Variants in ARHGAP35 observed in about 807,000 individuals in gnomAD.
ARHGAP35 encodes the protein rho GTPase-activating protein 35.
In ARHGAP35, 15 loss-of-function variants were observed where a neutral mutation model predicts 111.1. The ratio of observed to expected loss-of-function variants is 0.13; its 90% CI spans 0.09 to 0.21. The LOEUF (loss-of-function observed/expected upper bound fraction) is 0.21, where lower values mean the gene tolerates loss of function less well. Ranked by LOEUF, ARHGAP35 falls within the 10% of genes least tolerant of loss-of-function variation. The probability of loss-of-function intolerance (pLI) is 1.00; values close to 1 mark genes in which losing one functional copy is unlikely to be tolerated. For missense variants in ARHGAP35, 1,262 were observed against 1,873.0 expected (o/e 0.67, Z 6.02); for synonymous variants, 643 against 710.3 (o/e 0.91, Z 1.51).
Position 46,916,058 on chromosome 19 carries a change from C to A in ARHGAP35, c.-188-2430C>A, listed in dbSNP as rs146861707. Among the ~76,000 whole-genome samples the A allele has an allele frequency of 3.2e-3, 481 of 151,788 alleles. 12 individuals are homozygous for A. The highest frequency in any genetic ancestry group is 1.9e-3 in the East Asian group (10 of 5,152). On this transcript the variant is annotated intron_variant, in intron 1 of 6. Coordinates refer to ENST00000672722, the MANE Select transcript of ARHGAP35 (RefSeq NM_004491.5). ...CACTCCATTCTCCTGTCTCAGCCTC[C>A]TGAGTAGCTGGGACTACAGGTGCCC...
At chr19:46,925,950 T>C (rs781290582) in intron 2 of ARHGAP35, among the ~76,000 whole-genome samples, 12 of 152,298 alleles carry the variant, frequency 7.9e-5, no homozygotes, top group Non-Finnish European at 1.2e-4. Flanking sequence ...GGTGGAAATA[T>C]GCATATTGTA....
intron 3 of ARHGAP35, among the ~76,000 whole-genome samples, chr19:46,972,515 G>A (rs989757438): frequency 2.6e-5 from 4 of 152,142 alleles, no homozygotes; most frequent in East Asian, 1.9e-4. Context: ...GGCGTGCGGC[G>A]CACAGCCTTT....
At chr19:46,960,231 T>C (rs1043977420) in intron 3 of ARHGAP35, among the ~76,000 whole-genome samples, 2 of 152,232 alleles carry the variant, frequency 1.3e-5, no homozygotes, top group Non-Finnish European at 2.9e-5. Context: ...CCTGTAATTT[T>C]ATTAGCATTT....
At chr19:46,966,438 G>A (rs1010282245) in intron 3 of ARHGAP35, among the ~76,000 whole-genome samples, 3 of 152,144 alleles carry the variant, frequency 2.0e-5, no homozygotes. Flanking sequence ...AGTCCTGGCT[G>A]ATTGGGAGAC....
chr19:46,898,775 A>AGCTGCT (rs112008743), intron 1 of ARHGAP35, among the ~76,000 whole-genome samples: 1,662 of 150,904 alleles, frequency 0.011, 7 homozygotes, highest in Middle Eastern at 0.028. Flanking sequence ...TGCACAGATG[A>AGCTGCT]GCTGCTGCTG....
chr19:46,871,539 C>T (rs981921445), intron 1 of ARHGAP35, among the ~76,000 whole-genome samples: 6 of 151,668 alleles, frequency 4.0e-5, no homozygotes, highest in Non-Finnish European at 2.9e-5. Context: ...GATGGGGTTT[C>T]GCCATGTTGG....
intron 3 of ARHGAP35, among the ~76,000 whole-genome samples, chr19:46,978,816 AGG>A (rs2056600047): frequency 5.9e-5 from 1 of 17,032 alleles, no homozygotes; most frequent in Admixed American, 7.8e-4. Context: ...TGTGTGTGGT[AGG>A]GGGTTTGTGT....
chr19:46,907,186 C>T (rs890006716), intron 1 of ARHGAP35, among the ~76,000 whole-genome samples: 8 of 152,146 alleles, frequency 5.3e-5, no homozygotes, highest in Admixed American at 2.0e-4. Context: ...CTCGTTCTGT[C>T]GCCAGGCTGG....
chr19:46,949,570 T>A (rs1220875338), intron 3 of ARHGAP35, among the ~76,000 whole-genome samples: 2 of 152,192 alleles, frequency 1.3e-5, no homozygotes, highest in Admixed American at 1.3e-4. Flanking sequence ...ATGTGACTTC[T>A]CCATTTGTAC....
At chr19:46,959,290 CTGTGCTCAAGTGA>C (rs1568479872) in intron 3 of ARHGAP35, among the ~76,000 whole-genome samples, 1 of 152,078 alleles carries the variant, frequency 6.6e-6, no homozygotes, top group Admixed American at 6.5e-5. Context: ...TCTCAAACTC[CTGTGCTCAAGTGA>C]TTCGGCCTCC....
At chr19:46,890,826 A>C (rs193167381) in intron 1 of ARHGAP35, among the ~76,000 whole-genome samples, 41 of 152,342 alleles carry the variant, frequency 2.7e-4, no homozygotes, top group African/African-American at 9.9e-4. Context: ...TTCTGTCGAC[A>C]ACAGTATACG....
intron 3 of ARHGAP35, among the ~76,000 whole-genome samples, chr19:46,971,505 G>A (rs188281654): frequency 6.6e-6 from 1 of 151,390 alleles, no homozygotes; most frequent in Admixed American, 6.6e-5. Flanking sequence ...TCTTTTTTGG[G>A]GTTTTTTTTT....
At chr19:46,916,727 AT>A (rs35636080) in intron 1 of ARHGAP35, among the ~76,000 whole-genome samples, 78,545 of 149,956 alleles carry the variant, frequency 0.52, 20,980 homozygotes, top group Middle Eastern at 0.7. Context: ...AGATTCATCT[AT>A]TTTTTTTTTT....
chr19:46,915,443 C>T (rs1362730111), intron 1 of ARHGAP35, among the ~76,000 whole-genome samples: 1 of 152,068 alleles, frequency 6.6e-6, no homozygotes, highest in Non-Finnish European at 1.5e-5. Context: ...TCTGGGATAT[C>T]AGAAGGAAGC....
Position 47,000,288 on chromosome 19 carries a change from G to A in ARHGAP35, c.4143-43G>A. The A allele has an allele frequency of 6.3e-7, 1 of 1,585,346 alleles. No homozygotes were observed. Reference sequence around the variant, plus strand: ...ACCATGAGCGCCCAGGGCCAGGTGGGGCCCTGCACAGTTCTGACCATTGAG... The same window carrying A: ...ACCATGAGCGCCCAGGGCCAGGTGGAGCCCTGCACAGTTCTGACCATTGAG... On this transcript the variant is annotated intron_variant, in intron 6 of 6. Transcript: ENST00000672722. The surrounding 1 kb of genome is among the most constrained non-coding windows in gnomAD (Gnocchi z 6.9).
chr19:46,995,444 G>A (rs2056702225), intron 5 of ARHGAP35, among the ~76,000 whole-genome samples: 4 of 152,218 alleles, frequency 2.6e-5, no homozygotes, highest in Admixed American at 1.3e-4. Flanking sequence ...CCAGCACCCT[G>A]GAGGCCCCCC....
chr19:46,974,320 G>A (rs140388286), intron 3 of ARHGAP35, among the ~76,000 whole-genome samples: 261 of 152,322 alleles, frequency 1.7e-3, no homozygotes, highest in African/African-American at 6.1e-3. Context: ...CCAGTTGCAA[G>A]TACTGGGTGA....
At position 46,922,066 on chromosome 19, in the gene ARHGAP35, G is replaced by A. The variant is rs1276231338; in HGVS notation, c.3391G>A (p.Gly1131Arg). ...NINKAQSNGSGNGSDSEMDTS... is the reference protein window; with the variant it reads ...NINKAQSNGSRNGSDSEMDTS... ...CAACAAAGCCCAGTCCAACGGCAGC[G>A]GGAATGGTTCTGACAGTGAAATGGA... The change falls in exon 2 of 7, where the codon GGG becomes AGG. Residue 1131 changes from glycine to arginine, a missense_variant. Gly to Arg is a moderately radical substitution (Grantham distance 125). This residue lies in a region of ARHGAP35 where 579 missense variants were observed against 716.9 expected (regional missense o/e 0.81). Transcript: ENST00000672722. The surrounding 1 kb of genome is among the most constrained non-coding windows in gnomAD (Gnocchi z 4.0). The A allele has an allele frequency of 3.1e-6, 5 of 1,614,036 alleles. No individual in the cohort carries two copies. Among genetic ancestry groups the A allele is most frequent in the Non-Finnish European group, 4.2e-6 (5 of 1,179,898 alleles).
At chr19:46,877,998 G>A (rs762186742) in intron 1 of ARHGAP35, among the ~76,000 whole-genome samples, 9 of 151,910 alleles carry the variant, frequency 5.9e-5, no homozygotes, top group African/African-American at 2.2e-4. Flanking sequence ...ATTAGCCACC[G>A]CTCCCGGCCT....
Sources: gnomAD v4.1 joint callset for allele counts (sites outside exome capture counted in the v4.1 genomes callset) on GRCh38, gnomAD v4.1.1 for gene constraint, gnomAD v4.1.1 regional missense constraint, Gnocchi (gnomAD v3.1) non-coding constraint, MANE v1.5 for transcripts, NCBI Gene and HGNC (gene_info 2026-07-23, HGNC 2026-07-21) for gene names.